The following ZNF43 variants were observed in gnomAD, a reference collection of about 807,000 sequenced individuals.
ZNF43 encodes the protein zinc finger protein 43.
A neutral mutation model predicts 68.4 loss-of-function variants in ZNF43; 44 were observed. The observed-to-expected ratio is 0.64, with a 90% CI of 0.51 to 0.83. The LOEUF (loss-of-function observed/expected upper bound fraction) is 0.83. Ranked by LOEUF, ZNF43 falls within the 40% of genes least tolerant of loss-of-function variation. The pLI is 0.00. For synonymous variants in ZNF43, 308 were observed against 307.8 expected (o/e 1.00, Z -0.01); for missense variants, 896 against 933.2 (o/e 0.96, Z 0.52).
intron 1 of ZNF43, among the ~76,000 whole-genome samples, chr19:21,830,555 GA>G (rs562293163): frequency 0.022 from 2,255 of 101,872 alleles, 56 homozygotes; most frequent in African/African-American, 0.067. Flanking sequence ...TCCAAAGACT[GA>G]AAAAAAAAAA....
At chr19:21,833,599 G>A (rs117010520) in intron 1 of ZNF43, among the ~76,000 whole-genome samples, 5,292 of 151,850 alleles carry the variant, frequency 0.035, 173 homozygotes, top group South Asian at 0.15. Flanking sequence ...TAGCCATGGT[G>A]GTTATCTTGG....
Position 21,809,293 on chromosome 19 carries a change from A to G in ZNF43, c.744T>C (p.His248=). 1 of 1,613,106 alleles carries G rather than the reference A, an allele frequency of 6.2e-7. No homozygotes were observed. The highest frequency in any genetic ancestry group is 8.5e-7 in the Non-Finnish European group (1 of 1,179,766). Residue 248 remains histidine (H), a synonymous_variant, in exon 4 of 4, where the codon CAT becomes CAC. Transcript: ENST00000354959. The part of the protein sequence containing the change: ...VFNWSSRLTT[H]KKNYTRYKLY... Reference sequence around the variant, plus strand: ...GTTTGTATCTAGTATAATTTTTTTTATGTGTAGTAAGGCGTGAGGACCAAT... The same window carrying G: ...GTTTGTATCTAGTATAATTTTTTTTGTGTGTAGTAAGGCGTGAGGACCAAT...
In ZNF43 at chr19:21,844,896, C is replaced by CA. The variant is rs869257892; in HGVS notation, c.30+7008dup. Among the ~76,000 whole-genome samples the CA allele has an allele frequency of 5.0e-3, 180 of 35,798 alleles. 7 individuals are homozygous for CA. Among genetic ancestry groups the CA allele is most frequent in the South Asian group, 0.014 (8 of 576 alleles). 23.5% of individuals were successfully genotyped at this position (35,798 alleles called of 152,430 possible). ...TGGGCGACAGAGCAAGATTCCGTCT[C>CA]AAAAAAAAAAAAAAAAAAAAAAAAA... On this transcript the variant is annotated intron_variant, in intron 1 of 3. Transcript: ENST00000357491.
Position 21,808,322 on chromosome 19 carries a change from C to A in ZNF43, c.1715G>T (p.Gly572Val). The change falls in exon 4 of 4, where the codon GGC becomes GTC. Residue 572 changes from glycine (G) to valine (V), a missense_variant. Gly to Val is a moderately radical substitution (Grantham distance 109, BLOSUM62 -3). Transcript: ENST00000354959. ...GEKPYKCEEC[G>V]KAFTQSSNLT... is the part of the protein sequence containing the mutation. ...GTTTGAGGATTGGGTAAAAGCTTTG[C>A]CACATTCTTCACACTTGTAGGGTTT... 6.2e-7 allele frequency: 1 copy of A among 1,613,182 alleles called. No homozygotes were observed. Among genetic ancestry groups the A allele is most frequent in the Non-Finnish European group, 8.5e-7 (1 of 1,179,808 alleles).
At chr19:21,851,505 A>T (rs1231558883) in intron 1 of ZNF43, 3 of 150,048 alleles carry the variant, frequency 2.0e-5, no homozygotes, top group African/African-American at 7.8e-5. Context: ...GCGCCACTAC[A>T]TTTCAGCCTG....
chr19:21,838,209 A>C (rs1054125913), upstream of ZNF43, among the ~76,000 whole-genome samples: 2 of 152,164 alleles, frequency 1.3e-5, no homozygotes, highest in African/African-American at 4.8e-5. Flanking sequence ...TTAGAAATAA[A>C]ATGGGAGGCA....
intron 1 of ZNF43, among the ~76,000 whole-genome samples, chr19:21,846,265 T>C (rs1376747572): frequency 6.6e-6 from 1 of 152,156 alleles, no homozygotes; most frequent in Non-Finnish European, 1.5e-5. Flanking sequence ...TCACATTTCT[T>C]ACTGTGGACA....
intron 1 of ZNF43, among the ~76,000 whole-genome samples, chr19:21,849,646 C>T (rs545983988): frequency 1.3e-5 from 2 of 150,442 alleles, no homozygotes; most frequent in South Asian, 4.2e-4. Context: ...CCTATCTCTA[C>T]TAAAAATATA....
chr19:21,835,845 G>A (rs567015678), intron 1 of ZNF43, among the ~76,000 whole-genome samples, 191 bp downstream of exon 1: 1 of 152,334 alleles, frequency 6.6e-6, no homozygotes, highest in South Asian at 2.1e-4. Context: ...CCGGGACACA[G>A]TCACTGCGCA....
At chr19:21,847,167 A>G (rs1302297522) in intron 1 of ZNF43, among the ~76,000 whole-genome samples, 5 of 152,122 alleles carry the variant, frequency 3.3e-5, no homozygotes, top group Non-Finnish European at 5.9e-5. Flanking sequence ...AATGTGCCTC[A>G]ATTTTCCCTG....
At chr19:21,811,884 A>C in intron 3 of ZNF43, 1 of 384,158 alleles carries the variant, frequency 2.6e-6, no homozygotes, top group Non-Finnish European at 4.6e-6. Flanking sequence ...AGGAACTAAC[A>C]AATCTTTTAA....
Position 21,807,432 on chromosome 19 carries a change from G to C in ZNF43, c.*175C>G, listed in dbSNP as rs1000567266. On this transcript the variant is annotated 3_prime_UTR_variant, in exon 4 of 4. Coordinates refer to ENST00000354959, the MANE Select transcript of ZNF43 (RefSeq NM_003423.4). ...TCTTTGTGTATATACCTTTTTCCAA[G>C]TAAAAATTCTTTCCTGTGCAATAAG... 1.7e-6 allele frequency: 1 copy of C among 586,832 alleles called. No homozygotes were observed. The highest frequency in any genetic ancestry group is 2.8e-6 in the Non-Finnish European group (1 of 362,528). The allele number at this position is 586,832 out of a possible 1,614,324, so 36.4% of individuals were successfully genotyped here.
At chr19:21,814,768 G>A (rs538351652) in intron 3 of ZNF43, among the ~76,000 whole-genome samples, 1 of 152,146 alleles carries the variant, frequency 6.6e-6, no homozygotes, top group East Asian at 1.9e-4. Context: ...ATTGAAAATT[G>A]TCTGAAATTA....
chr19:21,827,692 G>A (rs1305141342), intron 1 of ZNF43, among the ~76,000 whole-genome samples: 5 of 120,656 alleles, frequency 4.1e-5, no homozygotes, highest in Non-Finnish European at 8.6e-5. Flanking sequence ...ATGGAGTTGA[G>A]CTTTTGTTTC....
chr19:21,821,086 C>T (rs888542920), intron 1 of ZNF43, among the ~76,000 whole-genome samples: 1 of 150,752 alleles, frequency 6.6e-6, no homozygotes, highest in Non-Finnish European at 1.5e-5. Context: ...CCACCCACCT[C>T]GGCCTCTCAA....
chr19:21,844,782 A>G (rs986993595), intron 1 of ZNF43, among the ~76,000 whole-genome samples: 1 of 150,122 alleles, frequency 6.7e-6, no homozygotes, highest in African/African-American at 2.5e-5. Context: ...CTGTAGTCCC[A>G]GCTACTTGGG....
At chr19:21,848,775 A>G (rs1968134996) in intron 1 of ZNF43, among the ~76,000 whole-genome samples, 1 of 152,288 alleles carries the variant, frequency 6.6e-6, no homozygotes, top group African/African-American at 2.4e-5. Context: ...CACATTCTCT[A>G]TGTTGGGTCT....
rs1216010974 is a variant in ZNF43 at position 21,809,227 on chromosome 19, G to A, written c.810C>T (p.Ser270=). Reference sequence around the variant, plus strand: ...TTATCTTATGGGTAGTAAGGATTGAGGACTTGTTAAAAGCTTTGCCACATT... The same window carrying A: ...TTATCTTATGGGTAGTAAGGATTGAAGACTTGTTAAAAGCTTTGCCACATT... ...CEECGKAFNK[S]SILTTHKIIR... The change falls in exon 4 of 4, where the codon TCC becomes TCT. Residue 270 remains serine (S), a synonymous_variant. Transcript: ENST00000354959. 1 of 1,613,478 alleles carries A rather than the reference G, an allele frequency of 6.2e-7. No homozygotes were observed. The highest frequency in any genetic ancestry group is 1.7e-5 in the Admixed American group (1 of 59,982).
chr19:21,838,535 G>C (rs1016195735), upstream of ZNF43, among the ~76,000 whole-genome samples: 1 of 151,966 alleles, frequency 6.6e-6, no homozygotes, highest in Non-Finnish European at 1.5e-5. Flanking sequence ...GAGTAGCTGG[G>C]ATTACAGATG....
Sources: gnomAD v4.1 joint callset for allele counts (sites outside exome capture counted in the v4.1 genomes callset) on GRCh38, gnomAD v4.1.1 for gene constraint, MANE v1.5 for transcripts, NCBI Gene and HGNC (gene_info 2026-07-23, HGNC 2026-07-21) for gene names.